Variants in TEX11 observed in about 807,000 individuals in gnomAD.
TEX11 encodes the protein testis-expressed protein 11.
TEX11 carries 7 observed loss-of-function variants against 84.4 expected under a neutral mutation model. The observed-to-expected ratio is 0.08, with a 90% CI of 0.05 to 0.16. TEX11 has a LOEUF of 0.16. TEX11 is among the 10% of genes least tolerant of loss of function. The pLI, the probability that TEX11 is intolerant of heterozygous loss-of-function variation, is 1.00. For missense variants in TEX11, 551 were observed against 660.5 expected, an observed-to-expected ratio of 0.83 and a Z score of 1.82; for synonymous variants, 264 against 222.8, an observed-to-expected ratio of 1.18 and a Z score of -1.64.
At chrX:70,750,936 ATATATATAT>A (rs2090817708) in intron 9 of TEX11, among the ~76,000 whole-genome samples, 2 of 36,538 alleles carry the variant, frequency 5.5e-5, no homozygotes, top group Admixed American at 3.3e-4. Flanking sequence ...AAAAAAAAAT[ATATATATAT>A]ATATATATAT....
intron 9 of TEX11, among the ~76,000 whole-genome samples, chrX:70,769,476 C>G (rs1262025611): frequency 8.9e-6 from 1 of 111,745 alleles, no homozygotes; most frequent in East Asian, 2.8e-4. Context: ...CTCAAGCTCC[C>G]TAAATTTAGA....
In TEX11 at chrX:70,878,575, A is replaced by T. The variant is rs764931421; in HGVS notation, c.159+1413T>A. On this transcript the variant is annotated intron_variant, in intron 3 of 29. Coordinates refer to ENST00000374333, the MANE Select transcript of TEX11 (RefSeq NM_031276.3). ...AACATGGCACATGTATACATATGTA[A>T]CAAACCTGCCCGTTGTGCACATGTA... 3.0e-4 allele frequency among the ~76,000 whole-genome samples: 33 copies of T among 110,054 alleles called. No individual in the cohort carries two copies. In the South Asian group the frequency reaches 9.2e-3, roughly 31 times the overall value.
intron 9 of TEX11, among the ~76,000 whole-genome samples, chrX:70,777,050 T>C (rs191234692): frequency 9.3e-6 from 1 of 107,239 alleles, no homozygotes; most frequent in African/African-American, 3.4e-5. Context: ...TATTATTATT[T>C]TTTTTTTTGT....
rs1049463081 is a variant in TEX11, at chrX:70,840,428, C to T, written c.526-6835G>A. On this transcript the variant is annotated intron_variant, in intron 7 of 29. Transcript: ENST00000374333. The stretch of plus-strand genomic sequence containing the variant: ...AAAATACTTTACAGACAAGCAAATG[C>T]TGAGAGATTTTGTCACCACCAGGCC... Among the ~76,000 whole-genome samples, 9 of 111,418 alleles carry T rather than the reference C, an allele frequency of 8.1e-5. 1 individual carries two copies. Among genetic ancestry groups the T allele is most frequent in the African/African-American group, 2.9e-4 (9 of 30,652 alleles).
chrX:70,667,397 C>T (rs2089984788), intron 16 of TEX11, among the ~76,000 whole-genome samples: 2 of 111,863 alleles, frequency 1.8e-5, no homozygotes, highest in South Asian at 3.7e-4. Flanking sequence ...CAGTATTTGT[C>T]CATGTGGATA....
intron 9 of TEX11, among the ~76,000 whole-genome samples, chrX:70,773,565 T>C (rs1247076567): frequency 1.8e-5 from 2 of 111,493 alleles, no homozygotes; most frequent in Non-Finnish European, 3.8e-5. Flanking sequence ...AAGAAAAGGA[T>C]GCTAACAAAC....
At chrX:70,701,589 T>C (rs140378606) in intron 13 of TEX11, among the ~76,000 whole-genome samples, 23 of 112,231 alleles carry the variant, frequency 2.0e-4, no homozygotes, top group Non-Finnish European at 3.9e-4. Flanking sequence ...CATCCATGGA[T>C]CAAGGAGTAA....
rs762670848 is a variant in TEX11 at position 70,881,019 on chromosome X, A to C, written c.38-910T>G. Among the ~76,000 whole-genome samples the C allele has an allele frequency of 3.7e-5, 4 of 106,820 alleles. No individual in the cohort carries two copies. In the East Asian group the frequency reaches 1.2e-3, roughly 31 times the overall value. 92.8% of individuals were successfully genotyped at this position (106,820 alleles called of 115,157 possible). A position where few individuals can be genotyped will look rare whatever the true frequency, so the allele number is the denominator to read the frequency against. ...AAGACATCATCCAAAAAAAAAAAAA[A>C]AAAAAAAAAAACTAAAACTAAAACT... On this transcript the variant is annotated intron_variant, in intron 2 of 29. Coordinates refer to ENST00000374333, the MANE Select transcript of TEX11 (RefSeq NM_031276.3).
intron 9 of TEX11, among the ~76,000 whole-genome samples, chrX:70,788,973 T>TATATATAGAGAGAG (rs1211700739): frequency 1.0e-4 from 1 of 9,560 alleles, no homozygotes; most frequent in Non-Finnish European, 1.8e-4. Context: ...TATATATATA[T>TATATATAGAGAGAG]AGAGAGAGAG....
chrX:70,750,222 G>C (rs1259072436), intron 9 of TEX11, among the ~76,000 whole-genome samples: 6 of 111,438 alleles, frequency 5.4e-5, no homozygotes, highest in Non-Finnish European at 7.5e-5. Context: ...ACCACAATGA[G>C]ATACCATCTC....
intron 7 of TEX11, among the ~76,000 whole-genome samples, chrX:70,834,185 A>C (rs1350826631): frequency 1.1e-5 from 1 of 88,640 alleles, no homozygotes; most frequent in Non-Finnish European, 2.5e-5. Context: ...GCAAAACCCC[A>C]TCTCTTAAAA....
chrX:70,840,332 C>A (rs970225572), intron 7 of TEX11, among the ~76,000 whole-genome samples: 2 of 111,637 alleles, frequency 1.8e-5, no homozygotes, highest in African/African-American at 6.5e-5. Context: ...ATTCAACATT[C>A]TTAAAGGGAA....
At chrX:70,612,868 C>A (rs2147532651) in intron 20 of TEX11, among the ~76,000 whole-genome samples, 1 of 110,955 alleles carries the variant, frequency 9.0e-6, no homozygotes, top group African/African-American at 3.3e-5. Context: ...AAAAAGACAT[C>A]TAGGCATTTT....
intron 28 of TEX11, among the ~76,000 whole-genome samples, chrX:70,535,278 T>G (rs936379611): frequency 5.4e-5 from 6 of 112,113 alleles, no homozygotes; most frequent in Non-Finnish European, 1.1e-4. Flanking sequence ...CTATGAACAT[T>G]TGCTATGAGT....
chrX:70,522,813 G>C, the TEX11 span, among the ~76,000 whole-genome samples: 1 of 110,375 alleles, frequency 9.1e-6, no homozygotes, highest in Non-Finnish European at 1.9e-5. Flanking sequence ...CAAGTGCTGG[G>C]ATTACAGGCA....
At chrX:70,759,326 T>G (rs2090892027) in intron 9 of TEX11, among the ~76,000 whole-genome samples, 1 of 111,344 alleles carries the variant, frequency 9.0e-6, no homozygotes, top group African/African-American at 3.3e-5. Flanking sequence ...AAAACAGAAT[T>G]TTAGACCAAT....
At chrX:70,544,873 CAAAA>C (rs1219287852) in intron 28 of TEX11, among the ~76,000 whole-genome samples, 2 of 81,659 alleles carry the variant, frequency 2.4e-5, no homozygotes, top group Non-Finnish European at 4.9e-5. Flanking sequence ...AAAAAACAAA[CAAAA>C]AAACCCAAAA....
chrX:70,640,702 T>C (rs1430493318), intron 17 of TEX11, among the ~76,000 whole-genome samples: 2 of 108,810 alleles, frequency 1.8e-5, no homozygotes, highest in East Asian at 2.9e-4. Context: ...TAAAATACTT[T>C]ACAGACAAGC....
At chrX:70,652,185 A>G (rs752205213) in intron 16 of TEX11, among the ~76,000 whole-genome samples, 27 of 111,669 alleles carry the variant, frequency 2.4e-4, no homozygotes, top group African/African-American at 8.8e-4. Context: ...CACTGACCCA[A>G]ACTACATTAT....
Sources: gnomAD v4.1 joint callset for allele counts (sites outside exome capture counted in the v4.1 genomes callset) on GRCh38, gnomAD v4.1.1 for gene constraint, MANE v1.5 for transcripts, NCBI Gene and HGNC (gene_info 2026-07-23, HGNC 2026-07-21) for gene names.